Variants in SAMD4A observed in about 807,000 individuals in gnomAD.
SAMD4A encodes the protein protein Smaug homolog 1.
In SAMD4A, 33 loss-of-function variants were observed where a neutral mutation model predicts 81.3. That is an observed-to-expected ratio of 0.41 (90% CI 0.31 to 0.54). SAMD4A has a LOEUF of 0.54. SAMD4A is among the 20% of genes least tolerant of loss of function. SAMD4A has a pLI of 0.37. For missense variants in SAMD4A, 854 were observed against 951.1 expected (o/e 0.90, Z 1.34); for synonymous variants, 389 against 382.1 (o/e 1.02, Z -0.21).
At chr14:54,587,984 T>A (rs538536571) in intron 2 of SAMD4A, among the ~76,000 whole-genome samples, 3 of 152,336 alleles carry the variant, frequency 2.0e-5, no homozygotes, top group Admixed American at 2.0e-4. Flanking sequence ...GAATGCCTGA[T>A]AGAATTCAGC....
At chr14:54,733,543 G>GAAAGCCACA (rs2037612044) in intron 3 of SAMD4A, among the ~76,000 whole-genome samples, 1 of 152,144 alleles carries the variant, frequency 6.6e-6, no homozygotes, top group Non-Finnish European at 1.5e-5. Context: ...ACACTATTAT[G>GAAAGCCACA]AAAGTCACAA....
At chr14:54,603,738 C>G (rs1245974930) in intron 2 of SAMD4A, among the ~76,000 whole-genome samples, 1 of 150,076 alleles carries the variant, frequency 6.7e-6, no homozygotes, top group Admixed American at 6.6e-5. Context: ...ATTCAGCATC[C>G]TAGAAGGCCT....
At chr14:54,643,660 C>T (rs1036959715) in intron 2 of SAMD4A, among the ~76,000 whole-genome samples, 2 of 152,190 alleles carry the variant, frequency 1.3e-5, no homozygotes, top group East Asian at 3.8e-4. Flanking sequence ...TGTTATAAGA[C>T]ACTCAAGAAA....
rs1247304852 is a variant in SAMD4A, at chr14:54,756,904, C to A, written c.1177-3257C>A. Among the ~76,000 whole-genome samples the A allele has an allele frequency of 2.6e-5, 4 of 152,238 alleles. 1 individual carries two copies. Among genetic ancestry groups the A allele is most frequent in the Non-Finnish European group, 5.9e-5 (4 of 68,046 alleles). On this transcript the variant is annotated intron_variant, in intron 6 of 12. Transcript: ENST00000554335. ...TGGCTGTGGTCAGTGGTGGACCAGA[C>A]TTCCCACTGTCTGCTCTCAAAGGAG...
At chr14:54,646,411 C>T (rs1396736499) in intron 2 of SAMD4A, among the ~76,000 whole-genome samples, 1 of 152,246 alleles carries the variant, frequency 6.6e-6, no homozygotes, top group Non-Finnish European at 1.5e-5. Flanking sequence ...TGTTCAAACA[C>T]ATTGGTGGGC....
rs117189180 is a variant in SAMD4A, at chr14:54,769,414, C to T, written c.1597-690C>T. 9.7e-3 allele frequency among the ~76,000 whole-genome samples: 1,483 copies of T among 152,202 alleles called. 53 individuals carry two copies. The East Asian group carries it at 0.11, about 12-fold the overall frequency. ...GTCTGTGGCAAGTACAAAGGCTAAA[C>T]GCAAAAGGAAATATAACATAGGTAA... On this transcript the variant is annotated intron_variant, in intron 8 of 12. Coordinates refer to ENST00000554335, the MANE Select transcript of SAMD4A (RefSeq NM_015589.6).
At chr14:54,680,397 C>G (rs2036100245) in intron 2 of SAMD4A, among the ~76,000 whole-genome samples, 1 of 152,168 alleles carries the variant, frequency 6.6e-6, no homozygotes, top group South Asian at 2.1e-4. Context: ...AGGTCTGTTA[C>G]TGAAAGACAG....
In SAMD4A at chr14:54,567,905, G is replaced by T. The variant is rs756716883; in HGVS notation, c.-12G>T. 4 of 1,603,408 alleles carry T rather than the reference G, an allele frequency of 2.5e-6. No homozygotes were observed. The highest frequency in any genetic ancestry group is 3.4e-6 in the Non-Finnish European group (4 of 1,178,422). The stretch of plus-strand genomic sequence containing the variant: ...CCAGGGGGCTCTGTAGACCGAGGGC[G>T]GCCCCCTAACCATGATGTTTCGCGA... On this transcript the variant is annotated 5_prime_UTR_variant, in exon 2 of 13. Coordinates refer to ENST00000554335, the MANE Select transcript of SAMD4A (RefSeq NM_015589.6).
rs796524401 is a variant in SAMD4A, at chr14:54,672,098, TA to T, written c.197-29963del. ...TTTGTTTTTGTTTTTAATTTAAATT[TA>T]TTTTTTTTTGAGATGGGGTCTTGCC... On this transcript the variant is annotated intron_variant, in intron 2 of 12. Coordinates refer to ENST00000554335, the MANE Select transcript of SAMD4A (RefSeq NM_015589.6). 7.9e-5 allele frequency among the ~76,000 whole-genome samples: 12 copies of T among 151,028 alleles called. No individual in the cohort carries two copies. In the South Asian group the frequency reaches 2.6e-3, roughly 32 times the overall value.
chr14:54,671,911 T>C (rs992620083), intron 2 of SAMD4A, among the ~76,000 whole-genome samples: 27 of 148,116 alleles, frequency 1.8e-4, no homozygotes, highest in African/African-American at 6.3e-4. Flanking sequence ...GCAGAGGCAT[T>C]GGGGTGGGGG....
In SAMD4A at chr14:54,786,279, C is replaced by T. The variant is rs189327778; in HGVS notation, c.2128+1659C>T. 6.7e-4 allele frequency among the ~76,000 whole-genome samples: 102 copies of T among 152,256 alleles called. 1 individual carries two copies. In the Middle Eastern group the frequency reaches 0.01, roughly 15 times the overall value. On this transcript the variant is annotated intron_variant, in intron 12 of 12. Transcript: ENST00000554335. ...GTATGATTCCATTTATGTGAAATGTCCAGGATAGACTAATCTACTGGGACA... is the reference window on the plus strand; with the variant it reads ...GTATGATTCCATTTATGTGAAATGTTCAGGATAGACTAATCTACTGGGACA...
chr14:54,576,001 CTTTTTTTTTTTTTTTTTTTTTTTTT>C (rs57819180), intron 2 of SAMD4A, among the ~76,000 whole-genome samples: 9 of 79,998 alleles, frequency 1.1e-4, no homozygotes, highest in African/African-American at 4.7e-4. Flanking sequence ...TTCTTTCTTT[CTTTTTTTTTTTTTTTTTTTTTTTTT>C]TTTTTTTTTT....
chr14:54,702,355 G>A lies in SAMD4A; in HGVS notation c.490G>A (p.Gly164Ser). The change falls in exon 3 of 13, where the codon GGC (glycine) becomes AGC (serine). Residue 164 changes from glycine (G) to serine (S), a missense_variant. Physicochemically the swap from Gly to Ser is moderately conservative, Grantham distance 56. Coordinates refer to ENST00000554335, the MANE Select transcript of SAMD4A (RefSeq NM_015589.6). ...TSTSFGGQNR[G>S]RSDSVDYGQT... Reference sequence around the variant, plus strand: ...GACCAGCTTTGGTGGCCAGAACCGAGGCCGCTCAGACTCTGTGGATTATGG... The same window carrying A: ...GACCAGCTTTGGTGGCCAGAACCGAAGCCGCTCAGACTCTGTGGATTATGG... 1 of 1,614,152 alleles carries A rather than the reference G, an allele frequency of 6.2e-7. No individual in the cohort carries two copies. The highest frequency in any genetic ancestry group is 8.5e-7 in the Non-Finnish European group (1 of 1,180,016).
chr14:54,568,208 C>T (rs1048842549), intron 2 of SAMD4A, 96 bp downstream of exon 2: 4 of 1,180,546 alleles, frequency 3.4e-6, no homozygotes, highest in Non-Finnish European at 4.5e-6. Flanking sequence ...CCAGTCCCTG[C>T]CAGCCGCGCC....
chr14:54,738,048 G>A (rs908143853), intron 4 of SAMD4A, among the ~76,000 whole-genome samples: 5 of 152,210 alleles, frequency 3.3e-5, no homozygotes, highest in African/African-American at 4.8e-5. Context: ...GACTCCACTT[G>A]TACAAGGGCT....
At chr14:54,776,001 C>T (rs976510096) in intron 10 of SAMD4A, among the ~76,000 whole-genome samples, 37 of 100,304 alleles carry the variant, frequency 3.7e-4, no homozygotes, top group Admixed American at 2.8e-3. Context: ...CTTTGGAGTA[C>T]ATTGTAAGAA....
Position 54,760,431 on chromosome 14 carries a change from C to A in SAMD4A, c.1447C>A (p.Leu483Met). The A allele has an allele frequency of 1.4e-6, 2 of 1,433,518 alleles. No homozygotes were observed. The highest frequency in any genetic ancestry group is 1.8e-6 in the Non-Finnish European group (2 of 1,103,464). The allele number at this position is 1,433,518 out of a possible 1,614,324, so 88.8% of individuals were successfully genotyped here. A position where few individuals can be genotyped will look rare whatever the true frequency, so the allele number is the denominator to read the frequency against. The change falls in exon 7 of 13, where the codon CTG becomes ATG. Residue 483 changes from leucine to methionine, a missense_variant. Coordinates refer to ENST00000554335, the MANE Select transcript of SAMD4A (RefSeq NM_015589.6). ...PHQLSSCDGE[L>M]AVAPLPEGDL... Reference sequence around the variant, plus strand: ...CCAGCTGAGCAGCTGCGATGGGGAGCTGGCCGTCGCCCCCCTGCCAGAGGG... The same window carrying A: ...CCAGCTGAGCAGCTGCGATGGGGAGATGGCCGTCGCCCCCCTGCCAGAGGG...
At chr14:54,757,367 T>C (rs930714769) in intron 6 of SAMD4A, among the ~76,000 whole-genome samples, 1 of 149,952 alleles carries the variant, frequency 6.7e-6, no homozygotes, top group African/African-American at 2.5e-5. Context: ...ATTCGTTATG[T>C]ATTTGGTTTC....
chr14:54,620,190 C>G (rs1045786400), intron 2 of SAMD4A, among the ~76,000 whole-genome samples: 1 of 152,124 alleles, frequency 6.6e-6, no homozygotes, highest in Non-Finnish European at 1.5e-5. Context: ...AATTTAACTA[C>G]CTTGCCCCAG....
Sources: gnomAD v4.1 joint callset for allele counts (sites outside exome capture counted in the v4.1 genomes callset) on GRCh38, gnomAD v4.1.1 for gene constraint, MANE v1.5 for transcripts, NCBI Gene and HGNC (gene_info 2026-07-23, HGNC 2026-07-21) for gene names.